The following ZNF536 variants were observed in gnomAD, a reference collection of about 807,000 sequenced individuals.
The protein encoded by ZNF536 is zinc finger protein 536.
Under a neutral mutation model 84.5 loss-of-function variants are expected in ZNF536, and 13 were observed. The observed-to-expected ratio is 0.15, with a 90% confidence interval of 0.10 to 0.24. ZNF536 has a LOEUF of 0.24. Among genes scored for constraint, ZNF536 ranks in the 10% least tolerant of loss-of-function variants. The pLI, the probability that ZNF536 is intolerant of heterozygous loss-of-function variation, is 1.00. For missense variants in ZNF536, 1,536 were observed against 1,747.5 expected (o/e 0.88, Z 2.16); for synonymous variants, 811 against 742.5 (o/e 1.09, Z -1.50).
intron 1 of ZNF536, among the ~76,000 whole-genome samples, chr19:30,672,482 C>T (rs1285840039): frequency 6.6e-6 from 1 of 152,188 alleles, no homozygotes; most frequent in Non-Finnish European, 1.5e-5. Flanking sequence ...ATTTCCACAG[C>T]AAAGCATATT....
rs1280377836 is a variant in ZNF536, at chr19:30,383,781, T to TTTC, written c.-3+11228_-3+11230dup. Among the ~76,000 whole-genome samples, 12 of 36,994 alleles carry TTTC rather than the reference T, an allele frequency of 3.2e-4. 1 individual carries two copies. The East Asian group carries it at 5.1e-3, about 16-fold the overall frequency. The allele number at this position is 36,994 out of a possible 152,430, so 24.3% of individuals were successfully genotyped here. A position where few individuals can be genotyped will look rare whatever the true frequency, so the allele number is the denominator to read the frequency against. ...TCTCTTTCTTTCTTTCTTTTCTTTC[T>TTTC]TTCTTTCTTTTCTTTCTTTTCTCTT... On this transcript the variant is annotated intron_variant, in intron 1 of 4. Coordinates refer to ENST00000355537, the MANE Select transcript of ZNF536 (RefSeq NM_014717.3).
chr19:30,472,152 C>T (rs913426872), intron 2 of ZNF536, among the ~76,000 whole-genome samples: 15 of 152,106 alleles, frequency 9.9e-5, no homozygotes, highest in Middle Eastern at 3.4e-3. Context: ...AGCTGCCAAC[C>T]GGCTTCTCCT....
At chr19:30,619,910 T>A (rs1298019896) in intron 1 of ZNF536, among the ~76,000 whole-genome samples, 1 of 152,214 alleles carries the variant, frequency 6.6e-6, no homozygotes, top group Non-Finnish European at 1.5e-5. Flanking sequence ...GTGGACTTGA[T>A]ATTTACATAC....
chr19:30,337,372 T>C (rs962046720), intron 2 of ZNF536, among the ~76,000 whole-genome samples: 1 of 152,228 alleles, frequency 6.6e-6, no homozygotes, highest in Non-Finnish European at 1.5e-5. Flanking sequence ...CTGTAGATTT[T>C]AGCTTGGCCA....
rs568444427 is a variant in ZNF536, at chr19:30,229,931, A to AG, written c.-190+1261dup. Among the ~76,000 whole-genome samples, 15 of 152,286 alleles carry AG rather than the reference A, an allele frequency of 9.8e-5. No individual in the cohort carries two copies. In the East Asian group the frequency reaches 2.7e-3, roughly 27 times the overall value. On this transcript the variant is annotated intron_variant, in intron 1 of 5. Coordinates refer to the ZNF536 transcript ENST00000585628. ...ACATACATGACAGGCCCCTGGGCTG[A>AG]GGGACCCGTTTTCCCAAAGTTTAGA...
intron 2 of ZNF536, among the ~76,000 whole-genome samples, chr19:30,463,154 ATG>A (rs2053232109): frequency 6.6e-6 from 1 of 152,080 alleles, no homozygotes; most frequent in Non-Finnish European, 1.5e-5. Context: ...TTGGGGGTGC[ATG>A]TGTGTTGCAT....
At chr19:30,648,831 G>A (rs1311695765) in intron 1 of ZNF536, among the ~76,000 whole-genome samples, 2 of 152,156 alleles carry the variant, frequency 1.3e-5, no homozygotes, top group Non-Finnish European at 2.9e-5. Context: ...ATTTAAACTG[G>A]TTCTTTTAGT....
chr19:30,532,193 G>T (rs1202331218), intron 2 of ZNF536, among the ~76,000 whole-genome samples: 1 of 151,764 alleles, frequency 6.6e-6, no homozygotes, highest in Non-Finnish European at 1.5e-5. Flanking sequence ...ATGGTGGTGC[G>T]ATCTCAGCTC....
At chr19:30,299,010 G>T (rs1021780005) in intron 2 of ZNF536, among the ~76,000 whole-genome samples, 3 of 152,162 alleles carry the variant, frequency 2.0e-5, no homozygotes, top group Non-Finnish European at 4.4e-5. Flanking sequence ...CTGCCAAAGG[G>T]GGGGCCTGGG....
At chr19:30,481,256 A>T (rs2054074999) in intron 2 of ZNF536, among the ~76,000 whole-genome samples, 1 of 152,190 alleles carries the variant, frequency 6.6e-6, no homozygotes, top group Non-Finnish European at 1.5e-5. Flanking sequence ...GTGTGTATAC[A>T]TGTACTTGTA....
rs535785019 is a variant in ZNF536, at chr19:30,527,945, C to T, written c.2171-6902C>T. ...TTGTGCCACTGAACTGCTTCTTCAC[C>T]CCTTAGACTCCACAAATAGTTTTTT... is the stretch of plus-strand genomic sequence containing the variant. On this transcript the variant is annotated intron_variant, in intron 2 of 4. Coordinates refer to ENST00000355537, the MANE Select transcript of ZNF536 (RefSeq NM_014717.3). 2.6e-5 allele frequency among the ~76,000 whole-genome samples: 4 copies of T among 152,206 alleles called. No individual in the cohort carries two copies. The East Asian group carries it at 7.7e-4, about 29-fold the overall frequency.
chr19:30,496,258 C>A (rs2054714192), intron 2 of ZNF536, among the ~76,000 whole-genome samples: 1 of 152,108 alleles, frequency 6.6e-6, no homozygotes, highest in Non-Finnish European at 1.5e-5. Flanking sequence ...TCTGGAATAC[C>A]CTCTGAGTTC....
chr19:30,619,820 G>A (rs539724636), intron 1 of ZNF536, among the ~76,000 whole-genome samples: 42 of 152,182 alleles, frequency 2.8e-4, no homozygotes, highest in Non-Finnish European at 5.7e-4. Context: ...TCAGTGCTTT[G>A]CCCATAGAAG....
intron 1 of ZNF536, among the ~76,000 whole-genome samples, chr19:30,646,693 T>C (rs923149451): frequency 6.6e-6 from 1 of 152,174 alleles, no homozygotes; most frequent in African/African-American, 2.4e-5. Context: ...TTGGTCGCAG[T>C]CTCGTAGTAT....
intron 3 of ZNF536, among the ~76,000 whole-genome samples, chr19:30,535,589 T>A (rs1367458537): frequency 6.6e-6 from 1 of 152,120 alleles, no homozygotes; most frequent in Non-Finnish European, 1.5e-5. Flanking sequence ...GGCAAGTGGC[T>A]GCTGCACCCC....
In ZNF536 at chr19:30,650,289, T is replaced by C. The variant is rs750076466; in HGVS notation, c.170-60468T>C. The stretch of plus-strand genomic sequence containing the variant: ...GTGGTGGTGAGAGCCCTGACCCCGT[T>C]TGAAAGTAAGAGTAGTCATTGAATC... On this transcript the variant is annotated intron_variant, in intron 1 of 1. Transcript: ENST00000592773. 7.0e-4 allele frequency among the ~76,000 whole-genome samples: 106 copies of C among 152,184 alleles called. 1 individual carries two copies. The highest frequency in any genetic ancestry group is 1.3e-3 in the Non-Finnish European group (88 of 68,038).
chr19:30,530,238 A>C (rs1313610192), intron 2 of ZNF536, among the ~76,000 whole-genome samples: 1 of 152,262 alleles, frequency 6.6e-6, no homozygotes, highest in Non-Finnish European at 1.5e-5. Context: ...GAGGAAAAGA[A>C]AATTAAAAAA....
Position 30,445,668 on chromosome 19 carries a change from C to T in ZNF536, c.2106C>T (p.Gly702=), listed in dbSNP as rs565230952. The T allele has an allele frequency of 3.1e-5, 50 of 1,607,044 alleles. No individual in the cohort carries two copies. Among genetic ancestry groups the T allele is most frequent in the South Asian group, 2.4e-4 (22 of 90,068 alleles). The change falls in exon 2 of 5, where the codon GGC becomes GGT. Residue 702 remains glycine (G), a synonymous_variant. Transcript: ENST00000355537. The surrounding 1 kb of genome is among the most constrained non-coding windows in gnomAD (Gnocchi z 4.5). ...SNVTEESGVG[G]GLSQTGSAQE... ...TCACCGAGGAGAGCGGGGTCGGAGG[C>T]GGCCTCTCCCAGACCGGGAGTGCCC...
intron 1 of ZNF536, among the ~76,000 whole-genome samples, chr19:30,573,245 T>C (rs371656238): frequency 6.6e-6 from 1 of 152,332 alleles, no homozygotes; most frequent in African/African-American, 2.4e-5. Flanking sequence ...GGGCTGTTTT[T>C]CCCATTTTTA....
Sources: gnomAD v4.1 joint callset for allele counts (sites outside exome capture counted in the v4.1 genomes callset) on GRCh38, gnomAD v4.1.1 for gene constraint, Gnocchi (gnomAD v3.1) non-coding constraint, MANE v1.5 for transcripts, NCBI Gene and HGNC (gene_info 2026-07-23, HGNC 2026-07-21) for gene names.